The following ERMAP variants were observed in gnomAD, a reference collection of about 807,000 sequenced individuals.
ERMAP encodes erythroblast membrane associated protein (Scianna blood group), also known as erythroid membrane-associated protein.
ERMAP carries 34 observed loss-of-function variants against 49.5 expected under a neutral mutation model. That is an observed-to-expected ratio of 0.69 (90% CI 0.52 to 0.91). The LOEUF (loss-of-function observed/expected upper bound fraction) is 0.91, where lower values mean the gene tolerates loss of function less well. Among genes scored for constraint, ERMAP ranks in the 40% least tolerant of loss-of-function variants. The pLI is 0.00. For missense variants in ERMAP, 541 were observed against 582.6 expected (o/e 0.93, Z 0.74); for synonymous variants, 214 against 232.2 (o/e 0.92, Z 0.71).
At chr1:42,833,151 GA>G (rs1654797199) in intron 4 of ERMAP, among the ~76,000 whole-genome samples, 2 of 152,384 alleles carry the variant, frequency 1.3e-5, no homozygotes, top group South Asian at 4.1e-4. Flanking sequence ...AGCTGGGGTG[GA>G]AACAGGTTTG....
intron 1 of ERMAP, chr1:42,824,901 G>A (rs1654500804): frequency 1.3e-5 from 2 of 152,246 alleles, no homozygotes; most frequent in Admixed American, 6.5e-5. Context: ...CATGGCCTAT[G>A]AGGTGACATG....
intron 11 of ERMAP, among the ~76,000 whole-genome samples, chr1:42,842,170 G>C (rs1655074667): frequency 6.6e-6 from 1 of 152,118 alleles, no homozygotes; most frequent in Non-Finnish European, 1.5e-5. Flanking sequence ...TTCCCACTAA[G>C]CCCTACCTCT....
intron 7 of ERMAP, 76 bp downstream of exon 7, chr1:42,837,266 TTATTA>T: frequency 6.9e-7 from 1 of 1,457,840 alleles, no homozygotes; most frequent in Non-Finnish European, 9.6e-7. Context: ...TTGACAGTCA[TTATTA>T]TAAGTCTATT....
intron 7 of ERMAP, 87 bp from the exon 8 acceptor site, chr1:42,838,814 T>C: frequency 6.3e-7 from 1 of 1,583,594 alleles, no homozygotes; most frequent in Non-Finnish European, 8.7e-7. Context: ...TTTAATCTTG[T>C]GGGTTGGAGT....
intron 1 of ERMAP, 92 bp downstream of exon 1, chr1:42,817,345 C>T (rs924828781): frequency 1.2e-6 from 1 of 860,006 alleles, no homozygotes; most frequent in Non-Finnish European, 1.5e-6. Context: ...GGGAGGGGCG[C>T]AGGGCCGAGC....
At chr1:42,840,647 T>A (rs1347223730) in intron 11 of ERMAP, among the ~76,000 whole-genome samples, 3 of 152,206 alleles carry the variant, frequency 2.0e-5, no homozygotes, top group Non-Finnish European at 4.4e-5. Flanking sequence ...TTGTGAAGAC[T>A]CTTTCTAGAT....
intron 1 of ERMAP, among the ~76,000 whole-genome samples, chr1:42,824,984 A>G (rs1654502845): frequency 6.6e-6 from 1 of 152,246 alleles, no homozygotes; most frequent in Admixed American, 6.5e-5. Context: ...GGGCCACCAC[A>G]GATGTCTGCT....
chr1:42,832,619 A>G (rs1175898171), intron 4 of ERMAP, among the ~76,000 whole-genome samples: 2 of 152,034 alleles, frequency 1.3e-5, no homozygotes, highest in Non-Finnish European at 1.5e-5. Flanking sequence ...CTCCCACCTC[A>G]GCCTCCCAAA....
intron 11 of ERMAP, among the ~76,000 whole-genome samples, chr1:42,841,596 C>T (rs1464131416): frequency 6.6e-6 from 1 of 152,168 alleles, no homozygotes; most frequent in Non-Finnish European, 1.5e-5. Context: ...CATGCACTCA[C>T]TGTAGGAATG....
chr1:42,825,853 G>A, intron 2 of ERMAP, 115 bp downstream of exon 2: 1 of 1,176,014 alleles, frequency 8.5e-7, no homozygotes, highest in Non-Finnish European at 1.1e-6. Flanking sequence ...TTTCAAGGGT[G>A]AAATGGGGCA....
In ERMAP at chr1:42,837,174, C is replaced by T. The variant is rs760806713; in HGVS notation, c.600C>T (p.Asp200=). ...TTCCTCTAGACAATCTTCTTTCAGA[C>T]CATGCTAAAGAAAAAGGTAATGATA... ...HVTEVDNLLS[D]HAKEKGKLHK... is the part of the protein sequence containing the mutation. The change falls in exon 7 of 12, where the codon GAC becomes GAT. Residue 200 remains aspartate (D), a synonymous_variant. Coordinates refer to ENST00000372517, the MANE Select transcript of ERMAP (RefSeq NM_001017922.2). 2.5e-6 allele frequency: 4 copies of T among 1,613,864 alleles called. No individual in the cohort carries two copies. The South Asian group carries it at 3.3e-5, about 13-fold the overall frequency.
intron 4 of ERMAP, among the ~76,000 whole-genome samples, chr1:42,831,552 A>AGTGTTTTTTTTTTTTTTTTT: frequency 1.3e-5 from 1 of 75,818 alleles, no homozygotes; most frequent in Non-Finnish European, 2.4e-5. Flanking sequence ...AGGGAGAGAT[A>AGTGTTTTTTTTTTTTTTTTT]GTGTTTTTTT....
chr1:42,832,910 C>G (rs150971645), intron 4 of ERMAP, among the ~76,000 whole-genome samples: 52 of 152,354 alleles, frequency 3.4e-4, no homozygotes, highest in African/African-American at 1.2e-3. Flanking sequence ...AGAGGCCCTG[C>G]TGGTGTGCAG....
intron 2 of ERMAP, among the ~76,000 whole-genome samples, chr1:42,829,254 C>T (rs747393262): frequency 3.3e-5 from 5 of 152,102 alleles, no homozygotes; most frequent in African/African-American, 4.8e-5. Flanking sequence ...TGCTTTTTGC[C>T]ATGAGAAAAC....
At chr1:42,830,564 G>C in intron 3 of ERMAP, 31 bp downstream of exon 3, 1 of 1,600,098 alleles carries the variant, frequency 6.2e-7, no homozygotes, top group Non-Finnish European at 8.6e-7. Context: ...TTCCCTGCCT[G>C]GTACATGTGA....
chr1:42,837,051 G>A, intron 6 of ERMAP, 107 bp from the exon 7 acceptor site: 1 of 1,117,322 alleles, frequency 8.9e-7, no homozygotes, highest in South Asian at 1.3e-5. Flanking sequence ...GGGAGGTGGA[G>A]GTGAAGATAG....
intron 4 of ERMAP, among the ~76,000 whole-genome samples, chr1:42,832,560 TTTC>T (rs1188089334): frequency 6.6e-6 from 1 of 150,622 alleles, no homozygotes; most frequent in African/African-American, 2.4e-5. Context: ...AGAGACGGGG[TTTC>T]TTCATGTTGG....
In ERMAP at chr1:42,830,459, C is replaced by T. The variant is rs35757049; in HGVS notation, c.11C>T (p.Ala4Val). ...TCTGTCCTAGTTCGGATGGAGATGG[C>T]GAGTTCTGCTGGCTCCTGGCTCTCT... MEMASSAGSWLSGC... is the reference protein window; with the variant it reads MEMVSSAGSWLSGC... Residue 4 changes from alanine to valine, a missense_variant, in exon 3 of 12, where the codon GCG (alanine) becomes GTG (valine). Physicochemically the swap from Ala to Val is moderately conservative, Grantham distance 64 (BLOSUM62 0). Transcript: ENST00000372517. 3.1e-3 allele frequency: 5,041 copies of T among 1,614,044 alleles called. 144 individuals carry two copies. In the African/African-American group the frequency reaches 0.056, roughly 18 times the overall value.
intron 4 of ERMAP, among the ~76,000 whole-genome samples, chr1:42,833,663 T>C (rs927018435): frequency 6.6e-6 from 1 of 152,234 alleles, no homozygotes; most frequent in Non-Finnish European, 1.5e-5. Flanking sequence ...TTTTTTTTAA[T>C]AATGTACTTC....
Sources: allele counts gnomAD v4.1 joint callset (sites outside exome capture counted in the v4.1 genomes callset), GRCh38; gene constraint gnomAD v4.1.1; transcripts MANE v1.5; gene names NCBI Gene and HGNC (gene_info 2026-07-23, HGNC 2026-07-21).